Variants in UNC5D observed in about 807,000 individuals in gnomAD.
UNC5D encodes netrin receptor UNC5D.
In UNC5D, 39 loss-of-function variants were observed where a neutral mutation model predicts 105.4. The observed-to-expected ratio is 0.37, with a 90% CI of 0.29 to 0.48. UNC5D has a LOEUF of 0.48. UNC5D is among the 20% of genes least tolerant of loss of function. UNC5D has a pLI of 0.98. For missense variants in UNC5D, 991 were observed against 1,202.4 expected, an observed-to-expected ratio of 0.82 and a Z score of 2.60; for synonymous variants, 452 against 450.4, an observed-to-expected ratio of 1.00 and a Z score of -0.04.
At chr8:35,445,505 G>A (rs1025309237) in intron 1 of UNC5D, among the ~76,000 whole-genome samples, 2 of 152,014 alleles carry the variant, frequency 1.3e-5, no homozygotes, top group African/African-American at 4.8e-5. Context: ...ACAGTCTTAA[G>A]GGGTTGGTAC....
At chr8:35,441,507 A>G (rs1807399346) in intron 1 of UNC5D, among the ~76,000 whole-genome samples, 1 of 151,764 alleles carries the variant, frequency 6.6e-6, no homozygotes, top group Middle Eastern at 3.2e-3. Context: ...AAGGGTGACT[A>G]CTGTAATTTA....
chr8:35,424,896 G>A (rs746969874), intron 1 of UNC5D, among the ~76,000 whole-genome samples: 7 of 152,222 alleles, frequency 4.6e-5, no homozygotes, highest in African/African-American at 1.7e-4. Context: ...GTTCTACAGG[G>A]CTGCTGACTT....
intron 1 of UNC5D, among the ~76,000 whole-genome samples, chr8:35,280,213 C>G (rs1806054868): frequency 6.6e-6 from 1 of 152,118 alleles, no homozygotes; most frequent in Admixed American, 6.6e-5. Context: ...TCTGGCTGGT[C>G]TTGAACTCCT....
intron 1 of UNC5D, among the ~76,000 whole-genome samples, chr8:35,319,482 G>T (rs1442179457): frequency 6.6e-6 from 1 of 152,072 alleles, no homozygotes; most frequent in Non-Finnish European, 1.5e-5. Flanking sequence ...TAATAAGATG[G>T]TCTCTTTCCT....
chr8:35,437,481 A>G (rs1031276819), intron 1 of UNC5D, among the ~76,000 whole-genome samples: 22 of 152,234 alleles, frequency 1.4e-4, no homozygotes, highest in African/African-American at 4.3e-4. Flanking sequence ...ATATCTATGG[A>G]TGGGTATCTG....
At chr8:35,679,202 A>G (rs966078925) in intron 4 of UNC5D, among the ~76,000 whole-genome samples, 2 of 152,184 alleles carry the variant, frequency 1.3e-5, no homozygotes, top group African/African-American at 4.8e-5. Flanking sequence ...GTGAGCTATG[A>G]TCACACTACT....
At chr8:35,710,941 T>TG (rs1827903344) in intron 8 of UNC5D, among the ~76,000 whole-genome samples, 1 of 123,766 alleles carries the variant, frequency 8.1e-6, no homozygotes, top group Admixed American at 8.5e-5. Context: ...ATTCTTTTTT[T>TG]TTTTTTTTTT....
intron 7 of UNC5D, 54 bp from the exon 8 acceptor site, chr8:35,705,875 C>A: frequency 8.8e-7 from 1 of 1,132,622 alleles, no homozygotes; most frequent in South Asian, 1.3e-5. Flanking sequence ...AATATATCTG[C>A]TCCATGTAAA....
chr8:35,580,021 C>CT (rs1293761132), intron 3 of UNC5D, among the ~76,000 whole-genome samples: 3 of 152,146 alleles, frequency 2.0e-5, no homozygotes, highest in African/African-American at 7.2e-5. Flanking sequence ...GAGTTTATGG[C>CT]TGCTTAGATA....
At chr8:35,771,559 C>A (rs527929679) in intron 15 of UNC5D, among the ~76,000 whole-genome samples, 7 of 152,134 alleles carry the variant, frequency 4.6e-5, no homozygotes, top group Non-Finnish European at 7.4e-5. Flanking sequence ...ATCTTGTAAC[C>A]TAGTTTAAGC....
chr8:35,393,228 G>T (rs1329902591), intron 1 of UNC5D, among the ~76,000 whole-genome samples: 1 of 149,076 alleles, frequency 6.7e-6, no homozygotes, highest in African/African-American at 2.5e-5. Context: ...CGCCCCCTGG[G>T]GTTCATGCCA....
chr8:35,305,565 T>TTCGTTC (rs1808276374), intron 1 of UNC5D, among the ~76,000 whole-genome samples: 1 of 19,700 alleles, frequency 5.1e-5, no homozygotes, highest in Non-Finnish European at 1.1e-4. Context: ...CTTCCTTCCT[T>TTCGTTC]TCTTTCTTTC....
rs1430411969 is a variant in UNC5D at position 35,484,334 on chromosome 8, C to CAGCT, written c.104-64956_104-64953dup. ...TAGGTTTCCACTGGGGCCAGCTGGG[C>CAGCT]AGCTACTCAAGCCAGAATCTTTAGT... is the stretch of plus-strand genomic sequence containing the variant. On this transcript the variant is annotated intron_variant, in intron 1 of 16. Coordinates refer to ENST00000404895, the MANE Select transcript of UNC5D (RefSeq NM_080872.4). Among the ~76,000 whole-genome samples the CAGCT allele has an allele frequency of 2.6e-5, 4 of 152,320 alleles. No individual in the cohort carries two copies. The East Asian group carries it at 7.7e-4, about 29-fold the overall frequency.
At position 35,483,929 on chromosome 8, in the gene UNC5D, T is replaced by C. The variant is rs532921393; in HGVS notation, c.104-65363T>C. Among the ~76,000 whole-genome samples, 3 of 152,330 alleles carry C rather than the reference T, an allele frequency of 2.0e-5. No individual in the cohort carries two copies. In the East Asian group the frequency reaches 5.8e-4, roughly 29 times the overall value. ...TAGAATGTGGTTAACACAGGGCTGC[T>C]GGAATGAAGATTCTAAGCAGGAAAT... On this transcript the variant is annotated intron_variant, in intron 1 of 16. Coordinates refer to ENST00000404895, the MANE Select transcript of UNC5D (RefSeq NM_080872.4).
intron 4 of UNC5D, among the ~76,000 whole-genome samples, chr8:35,634,655 A>G (rs1822245455): frequency 6.6e-6 from 1 of 152,258 alleles, no homozygotes; most frequent in Middle Eastern, 3.4e-3. Context: ...AAAACAGACA[A>G]TGGGATGGCA....
intron 11 of UNC5D, among the ~76,000 whole-genome samples, chr8:35,744,039 C>T (rs1829890909): frequency 1.3e-5 from 2 of 151,404 alleles, no homozygotes; most frequent in African/African-American, 4.8e-5. Flanking sequence ...TGCCTTTGGT[C>T]TGCTTTCATC....
At chr8:35,444,429 G>C in intron 1 of UNC5D, among the ~76,000 whole-genome samples, 1 of 151,950 alleles carries the variant, frequency 6.6e-6, no homozygotes, top group East Asian at 1.9e-4. Flanking sequence ...TTATGGAAGG[G>C]CCTGATTAAT....
intron 8 of UNC5D, among the ~76,000 whole-genome samples, chr8:35,714,566 G>A (rs999256755): frequency 1.3e-5 from 2 of 152,178 alleles, no homozygotes; most frequent in South Asian, 4.1e-4. Flanking sequence ...GGAGAATGAA[G>A]GGTAGTTACT....
chr8:35,339,394 A>G (rs1340899176), intron 1 of UNC5D, among the ~76,000 whole-genome samples: 1 of 152,226 alleles, frequency 6.6e-6, no homozygotes, highest in Non-Finnish European at 1.5e-5. Flanking sequence ...TATCCAGTAA[A>G]ATGTAAAATG....
Sources: allele counts gnomAD v4.1 joint callset (sites outside exome capture counted in the v4.1 genomes callset), GRCh38; gene constraint gnomAD v4.1.1; transcripts MANE v1.5; gene names NCBI Gene and HGNC (gene_info 2026-07-23, HGNC 2026-07-21).